CGAS: variants seen among roughly 807,000 people sequenced by gnomAD.
The protein encoded by CGAS is cyclic GMP-AMP synthase.
Under a neutral mutation model 34.0 loss-of-function variants are expected in CGAS, and 31 were observed. The ratio of observed to expected loss-of-function variants is 0.91; its 90% CI spans 0.69 to 1.23. The LOEUF (loss-of-function observed/expected upper bound fraction) is 1.23. Ranked by LOEUF, CGAS falls within the 50% of genes most tolerant of loss-of-function variation. The pLI is 0.00. For synonymous variants in CGAS, 266 were observed against 260.0 expected, an observed-to-expected ratio of 1.02 and a Z score of -0.22; for missense variants, 597 against 657.6, an observed-to-expected ratio of 0.91 and a Z score of 1.01.
chr6:73,442,938 C>G (rs1459820311), intron 2 of CGAS, among the ~76,000 whole-genome samples: 1 of 151,940 alleles, frequency 6.6e-6, no homozygotes, highest in African/African-American at 2.4e-5. Flanking sequence ...CTTTGTTGCC[C>G]AGGCTGGTCT....
rs772329398 is a variant in CGAS, at chr6:73,451,668, A to G, written c.514T>C (p.Leu172=). ...GAGATATCATCGCGGCTGAGCTTCA[A>G]CTTCTCCAAAACCGCCCGGAGCTTC... ...ASKLRAVLEK[L]KLSRDDISTA... The change falls in exon 1 of 5, where the codon TTG becomes CTG. Residue 172 remains leucine, a synonymous_variant. Transcript: ENST00000370315. 13 of 1,614,014 alleles carry G rather than the reference A, an allele frequency of 8.1e-6. No homozygotes were observed. The South Asian group carries it at 9.9e-5, about 12-fold the overall frequency.
At chr6:73,432,367 G>T (rs1418493500) in intron 3 of CGAS, among the ~76,000 whole-genome samples, 2 of 151,860 alleles carry the variant, frequency 1.3e-5, no homozygotes, top group Non-Finnish European at 2.9e-5. Flanking sequence ...CACCATGTTG[G>T]CCAGGCTGGT....
At chr6:73,443,235 C>CTTTTTTTTTT (rs35135687) in intron 2 of CGAS, among the ~76,000 whole-genome samples, 6 of 104,224 alleles carry the variant, frequency 5.8e-5, no homozygotes, top group Non-Finnish European at 8.9e-5. Context: ...TTCCCAAACT[C>CTTTTTTTTTT]TTTTTTTTTT....
chr6:73,429,777 G>C (rs1456450573), intron 3 of CGAS, among the ~76,000 whole-genome samples: 6 of 151,892 alleles, frequency 4.0e-5, no homozygotes, highest in Non-Finnish European at 8.8e-5. Flanking sequence ...AGTGAGCGGA[G>C]ATCGCGCCAC....
rs1344147966 is a variant in CGAS at position 73,424,744 on chromosome 6, T to C, written c.*483A>G. ...AATTATTTACATTCATTTTAGTCAA[T>C]TATTGCTGTGACAAATTTCAAACAT... is the stretch of plus-strand genomic sequence containing the variant. On this transcript the variant is annotated 3_prime_UTR_variant, in exon 5 of 5. Transcript: ENST00000370315. 6.6e-6 allele frequency: 1 copy of C among 152,382 alleles called. No homozygotes were observed. The highest frequency in any genetic ancestry group is 6.5e-5 in the Admixed American group (1 of 15,274). The allele number at this position is 152,382 out of a possible 1,614,324, so 9.4% of individuals were successfully genotyped here. A position where few individuals can be genotyped will look rare whatever the true frequency, so the allele number is the denominator to read the frequency against.
chr6:73,433,996 G>C (rs1397131593), intron 3 of CGAS, among the ~76,000 whole-genome samples: 1 of 151,838 alleles, frequency 6.6e-6, no homozygotes, highest in Non-Finnish European at 1.5e-5. Context: ...ATATGAGAAT[G>C]TAAAGGGTCA....
chr6:73,429,551 G>T (rs940876989), intron 3 of CGAS, among the ~76,000 whole-genome samples: 2 of 152,018 alleles, frequency 1.3e-5, no homozygotes, highest in African/African-American at 2.4e-5. Flanking sequence ...TTTCACCTGG[G>T]CGCGGTGGCT....
rs1165928919 is a variant in CGAS, at chr6:73,425,331, T to A, written c.1465A>T (p.Asn489Tyr). The A allele has an allele frequency of 1.6e-5, 26 of 1,610,712 alleles. No homozygotes were observed. Among genetic ancestry groups the A allele is most frequent in the Non-Finnish European group, 2.0e-5 (24 of 1,179,284 alleles). ...TCAATTAAGTTGCTAGAGAATAGAT[T>A]GAATTCAGGAATAAAATAATTCTCA... ...KLENYFIPEF[N>Y]LFSSNLIDKR... Residue 489 changes from asparagine to tyrosine, a missense_variant, in exon 5 of 5, where the codon AAT (asparagine) becomes TAT (tyrosine). By Grantham distance (143) the Asn-to-Tyr change is moderately radical (BLOSUM62 -2). Transcript: ENST00000370315.
chr6:73,451,736 G>A lies in CGAS; in HGVS notation c.446C>T (p.Ser149Leu), dbSNP rs1770569941. The A allele has an allele frequency of 6.2e-7, 1 of 1,612,156 alleles. No homozygotes were observed. Among genetic ancestry groups the A allele is most frequent in the Non-Finnish European group, 8.5e-7 (1 of 1,179,470 alleles). Reference protein sequence around the residue: ...WDVPSPGLPVSAPILVRRDAA... With the variant: ...WDVPSPGLPVLAPILVRRDAA... The stretch of plus-strand genomic sequence containing the variant: ...ATCCCTCCGTACGAGAATGGGGGCC[G>A]AGACCGGCAGGCCGGGGCTGGGCAC... Residue 149 changes from serine to leucine, a missense_variant, in exon 1 of 5, where the codon TCG becomes TTG. Ser to Leu is a moderately radical substitution (Grantham distance 145). Transcript: ENST00000370315.
chr6:73,426,726 C>T (rs1770095369), intron 4 of CGAS, among the ~76,000 whole-genome samples: 1 of 151,986 alleles, frequency 6.6e-6, no homozygotes, highest in Non-Finnish European at 1.5e-5. Flanking sequence ...GATTGTATCA[C>T]AGAATTATTT....
intron 2 of CGAS, among the ~76,000 whole-genome samples, chr6:73,444,300 A>T (rs187088590): frequency 0.02 from 2,802 of 141,456 alleles, 86 homozygotes; most frequent in African/African-American, 0.07. Flanking sequence ...ATTTTAATTT[A>T]ATTTAATTTA....
At chr6:73,445,444 G>A in intron 2 of CGAS, 84 bp downstream of exon 2, 1 of 966,892 alleles carries the variant, frequency 1.0e-6, no homozygotes, top group Non-Finnish European at 1.5e-6. Context: ...CTGCAGAGAG[G>A]TCAAGAAACA....
At position 73,439,506 on chromosome 6, in the gene CGAS, G is replaced by GAAA. The variant is rs971490854; in HGVS notation, c.1114+700_1114+702dup. Among the ~76,000 whole-genome samples, 13 of 145,726 alleles carry GAAA rather than the reference G, an allele frequency of 8.9e-5. 1 individual carries two copies. The East Asian group carries it at 2.0e-3, about 23-fold the overall frequency. ...CAGGAAAAAAAAAAAAAGAAAGAAAGAAAAAAAAAAGTTACTTCCTTCTAC... is the reference window on the plus strand; with the variant it reads ...CAGGAAAAAAAAAAAAAGAAAGAAAGAAAAAAAAAAAAAGTTACTTCCTTCTAC... On this transcript the variant is annotated intron_variant, in intron 3 of 4. Transcript: ENST00000370315.
rs1249039398 is a variant in CGAS, at chr6:73,424,433, A to T, written c.*794T>A. On this transcript the variant is annotated 3_prime_UTR_variant, in exon 5 of 5. Transcript: ENST00000370315. ...TGGGCGACAGAGCGAGACTCCATCT[A>T]AAAAAAAAAAAAAAAAATTATGTAT... The T allele has an allele frequency of 8.2e-6, 1 of 122,438 alleles. No individual in the cohort carries two copies. Among genetic ancestry groups the T allele is most frequent in the East Asian group, 2.7e-4 (1 of 3,746 alleles). 7.6% of individuals were successfully genotyped at this position (122,438 alleles called of 1,614,324 possible).
chr6:73,451,862 G>A lies in CGAS; in HGVS notation c.320C>T (p.Pro107Leu). The change falls in exon 1 of 5, where the codon CCT (proline) becomes CTT (leucine). Residue 107 changes from proline to leucine, a missense_variant. Physicochemically the swap from Pro to Leu is moderately conservative, Grantham distance 98 (BLOSUM62 -3). Transcript: ENST00000370315. ...AAGAGCCGGCTCCCGAGCCGCAGGA[G>A]GCTCCAGCCCCTCTGCCCCAGGGGC... is the stretch of plus-strand genomic sequence containing the variant. ...TSAPGAEGLE[P>L]PAAREPALSR... 1 of 1,549,394 alleles carries A rather than the reference G, an allele frequency of 6.5e-7. No homozygotes were observed. The highest frequency in any genetic ancestry group is 1.8e-4 in the Middle Eastern group (1 of 5,416).
Position 73,428,718 on chromosome 6 carries a change from T to C in CGAS, c.1208A>G (p.Lys403Arg). Residue 403 changes from lysine (K) to arginine (R), a missense_variant, in exon 4 of 5, where the codon AAA (lysine) becomes AGA (arginine). Transcript: ENST00000370315. ...SKTCCENKEE[K>R]CCRKDCLKLM... ...AAAATAAGGCTGTTACCTGCAACAT[T>C]TCTCTTCTTTGTTTTCACAGCACGT... is the stretch of plus-strand genomic sequence containing the variant. 1 of 1,610,224 alleles carries C rather than the reference T, an allele frequency of 6.2e-7. No homozygotes were observed. Among genetic ancestry groups the C allele is most frequent in the South Asian group, 1.1e-5 (1 of 90,136 alleles).
At chr6:73,442,602 T>C (rs1463648773) in intron 2 of CGAS, among the ~76,000 whole-genome samples, 13 of 148,088 alleles carry the variant, frequency 8.8e-5, no homozygotes, top group Non-Finnish European at 9.0e-5. Context: ...TCTTTCTTTT[T>C]TTTTTTTTTT....
At position 73,428,721 on chromosome 6, in the gene CGAS, T is replaced by C. The variant is rs747116940; in HGVS notation, c.1205A>G (p.Glu402Gly). Residue 402 changes from glutamate to glycine, a missense_variant, in exon 4 of 5, where the codon GAG becomes GGG. By Grantham distance (98) the Glu-to-Gly change is moderately conservative. Transcript: ENST00000370315. ...ATAAGGCTGTTACCTGCAACATTTC[T>C]CTTCTTTGTTTTCACAGCACGTTTT... ...KSKTCCENKE[E>G]KCCRKDCLKL... 2 of 1,611,042 alleles carry C rather than the reference T, an allele frequency of 1.2e-6. No homozygotes were observed. The highest frequency in any genetic ancestry group is 1.7e-6 in the Non-Finnish European group (2 of 1,179,276).
intron 3 of CGAS, among the ~76,000 whole-genome samples, chr6:73,430,406 G>C (rs375243431): frequency 1.3e-5 from 2 of 151,996 alleles, no homozygotes; most frequent in African/African-American, 2.4e-5. Context: ...CGAGACAGGA[G>C]ACCAGCCTGG....
Sources: gnomAD v4.1 joint callset for allele counts (sites outside exome capture counted in the v4.1 genomes callset) on GRCh38, gnomAD v4.1.1 for gene constraint, MANE v1.5 for transcripts, NCBI Gene and HGNC (gene_info 2026-07-23, HGNC 2026-07-21) for gene names.